The following SPAG17 variants were observed in gnomAD, a reference collection of about 807,000 sequenced individuals.
SPAG17 encodes sperm associated antigen 17.
SPAG17 carries 169 observed loss-of-function variants against 273.6 expected under a neutral mutation model. The ratio of observed to expected loss-of-function variants is 0.62; its 90% confidence interval spans 0.55 to 0.70. SPAG17 has a LOEUF of 0.70. Among genes scored for constraint, SPAG17 ranks in the 30% least tolerant of loss-of-function variants. The pLI is 0.00. For synonymous variants in SPAG17, 825 were observed against 873.2 expected (o/e 0.94, Z 0.97); for missense variants, 2,557 against 2,627.8 (o/e 0.97, Z 0.59).
At chr1:118,058,205 C>T (rs958385261) in intron 18 of SPAG17, among the ~76,000 whole-genome samples, 1 of 151,768 alleles carries the variant, frequency 6.6e-6, no homozygotes, top group African/African-American at 2.4e-5. Flanking sequence ...AAAATGCAAG[C>T]TGCTATTTAT....
intron 25 of SPAG17, 124 bp from the exon 26 acceptor site, chr1:118,028,518 G>T: frequency 8.6e-7 from 1 of 1,166,820 alleles, no homozygotes. Context: ...GGTGGCCCCT[G>T]CAAGGACGCA....
At chr1:117,971,453 C>T (rs1654544172) in intron 45 of SPAG17, among the ~76,000 whole-genome samples, 1 of 152,198 alleles carries the variant, frequency 6.6e-6, no homozygotes, top group South Asian at 2.1e-4. Context: ...TTAAAAGCAC[C>T]TTTCAGATCA....
chr1:118,081,762 G>A (rs952692151), intron 13 of SPAG17, 120 bp from the exon 14 acceptor site: 41 of 760,372 alleles, frequency 5.4e-5, no homozygotes, highest in Non-Finnish European at 7.7e-5. Context: ...CGCCACAATG[G>A]CTGTTGAGCT....
chr1:118,102,215 C>T lies in SPAG17; in HGVS notation c.448-289G>A, dbSNP rs185918233. On this transcript the variant is annotated intron_variant, in intron 4 of 48. Transcript: ENST00000336338. ...GAGCCAAGTGTGGCCTAAGAAGCCA[C>T]CCCAGTGGTTTGAAGGCAGGGCGGG... 4.0e-3 allele frequency among the ~76,000 whole-genome samples: 609 copies of T among 152,270 alleles called. 5 individuals are homozygous for T. The highest frequency in any genetic ancestry group is 0.014 in the African/African-American group (580 of 41,552).
At position 117,958,954 on chromosome 1, in the gene SPAG17, T is replaced by A. The variant is rs1294908582; in HGVS notation, c.*4845A>T. 3 of 1,613,778 alleles carry A rather than the reference T, an allele frequency of 1.9e-6. No individual in the cohort carries two copies. In the Admixed American group the frequency reaches 5.0e-5, roughly 27 times the overall value. On this transcript the variant is annotated intron_variant, in intron 48 of 48. Coordinates refer to ENST00000336338, the MANE Select transcript of SPAG17 (RefSeq NM_206996.4). ...ACTAGCAATCAAATGCTTGTGCCAG[T>A]GATAGAAAAATTAAGGGAAACAACT...
intron 23 of SPAG17, among the ~76,000 whole-genome samples, chr1:118,038,564 T>A (rs1028209028): frequency 6.6e-6 from 1 of 152,154 alleles, no homozygotes; most frequent in East Asian, 1.9e-4. Flanking sequence ...TTGTGGTACA[T>A]CTAGACAATG....
chr1:118,111,649 G>A (rs1656769565), intron 4 of SPAG17, among the ~76,000 whole-genome samples: 1 of 151,610 alleles, frequency 6.6e-6, no homozygotes, highest in Non-Finnish European at 1.5e-5. Flanking sequence ...GAGGAAGCTG[G>A]AAGGTGTCTG....
intron 25 of SPAG17, among the ~76,000 whole-genome samples, chr1:118,029,987 C>A (rs1241350547): frequency 6.6e-6 from 1 of 152,176 alleles, no homozygotes; most frequent in Non-Finnish European, 1.5e-5. Flanking sequence ...CCTGCCACGT[C>A]AAATCTGTCA....
At chr1:118,184,506 C>G (rs1195928709) in intron 1 of SPAG17, among the ~76,000 whole-genome samples, 1 of 152,122 alleles carries the variant, frequency 6.6e-6, no homozygotes, top group East Asian at 1.9e-4. Flanking sequence ...CCTCATTGCT[C>G]TGATCTCCCA....
chr1:118,128,706 C>G (rs537853855), intron 3 of SPAG17, among the ~76,000 whole-genome samples: 1 of 152,232 alleles, frequency 6.6e-6, no homozygotes, highest in African/African-American at 2.4e-5. Context: ...CACCCCAACA[C>G]TGGAGCACTA....
rs1285439138 is a variant in SPAG17, at chr1:118,025,436, T to G, written c.3731-20A>C. 1.3e-6 allele frequency: 2 copies of G among 1,506,754 alleles called. No individual in the cohort carries two copies. The highest frequency in any genetic ancestry group is 2.7e-5 in the South Asian group (2 of 73,506). 93.3% of individuals were successfully genotyped at this position (1,506,754 alleles called of 1,614,324 possible). A position where few individuals can be genotyped will look rare whatever the true frequency, so the allele number is the denominator to read the frequency against. On this transcript the variant is annotated intron_variant, in intron 26 of 48. Coordinates refer to ENST00000336338, the MANE Select transcript of SPAG17 (RefSeq NM_206996.4). ...ATTGACCTAAAAAAAGAATAAAGCC[T>G]TCTTGTGAACTGGACAATGCTGCAG...
At position 118,032,649 on chromosome 1, in the gene SPAG17, C is replaced by T. The variant is rs142461219; in HGVS notation, c.3434-782G>A. ...TCACTCTGTCACCCAGGCTGGAGTG[C>T]AGTGGTGCAACCTCGGCTCACTGCA... On this transcript the variant is annotated intron_variant, in intron 24 of 48. Transcript: ENST00000336338. Among the ~76,000 whole-genome samples the T allele has an allele frequency of 9.7e-4, 147 of 152,014 alleles. 2 individuals are homozygous for T. Among genetic ancestry groups the T allele is most frequent in the African/African-American group, 3.5e-3 (144 of 41,426 alleles).
intron 45 of SPAG17, among the ~76,000 whole-genome samples, chr1:117,971,247 T>C (rs1448536375): frequency 6.6e-6 from 1 of 152,202 alleles, no homozygotes; most frequent in Non-Finnish European, 1.5e-5. Context: ...GGTAGAGGTA[T>C]ATGGTTTACC....
chr1:118,069,130 G>A (rs1421120720), intron 17 of SPAG17, among the ~76,000 whole-genome samples: 1 of 151,964 alleles, frequency 6.6e-6, no homozygotes, highest in South Asian at 2.1e-4. Flanking sequence ...TGGATCATGA[G>A]GTCAGGAGAT....
At chr1:118,125,245 A>ATATATTTTT (rs146004766) in intron 3 of SPAG17, among the ~76,000 whole-genome samples, 39 of 150,750 alleles carry the variant, frequency 2.6e-4, no homozygotes, top group African/African-American at 8.3e-4. Flanking sequence ...ATATATATAT[A>ATATATTTTT]TTTTTGACAT....
At chr1:118,094,064 T>G (rs1221403489) in intron 7 of SPAG17, among the ~76,000 whole-genome samples, 2 of 152,226 alleles carry the variant, frequency 1.3e-5, no homozygotes, top group East Asian at 3.9e-4. Flanking sequence ...GTTCAAGAAG[T>G]AAGGTGGTAT....
chr1:118,163,721 T>C (rs1011439035), intron 1 of SPAG17, among the ~76,000 whole-genome samples: 2 of 151,962 alleles, frequency 1.3e-5, no homozygotes, highest in African/African-American at 4.8e-5. Context: ...TTTTCCCTTA[T>C]GACCTTTTTA....
intron 42 of SPAG17, among the ~76,000 whole-genome samples, chr1:117,982,040 G>T (rs12066205): frequency 0.11 from 16,593 of 152,092 alleles, 2,535 homozygotes; most frequent in African/African-American, 0.34. Flanking sequence ...TGCCCAGGCT[G>T]CAGGAGGTCT....
chr1:118,012,990 A>C (rs115156932), intron 29 of SPAG17, among the ~76,000 whole-genome samples: 8 of 152,164 alleles, frequency 5.3e-5, no homozygotes, highest in Non-Finnish European at 2.9e-5. Flanking sequence ...TGAGCTCTGC[A>C]CTGGGTTAAC....
Sources: allele counts gnomAD v4.1 joint callset (sites outside exome capture counted in the v4.1 genomes callset), GRCh38; gene constraint gnomAD v4.1.1; transcripts MANE v1.5; gene names NCBI Gene and HGNC (gene_info 2026-07-23, HGNC 2026-07-21).